The following FRMD4A variants were observed in gnomAD, a reference collection of about 807,000 sequenced individuals.
The protein encoded by FRMD4A is FERM domain containing 4A.
Under a neutral mutation model 129.1 loss-of-function variants are expected in FRMD4A, and 29 were observed. The observed-to-expected ratio is 0.22, with a 90% CI of 0.17 to 0.31. FRMD4A has a LOEUF of 0.31. Ranked by LOEUF, FRMD4A falls within the 10% of genes least tolerant of loss-of-function variation. FRMD4A has a pLI of 1.00. For missense variants in FRMD4A, 1,272 were observed against 1,375.8 expected (o/e 0.92, Z 1.19); for synonymous variants, 634 against 571.6 (o/e 1.11, Z -1.56).
At chr10:13,664,909 T>G (rs1359387198) in intron 18 of FRMD4A, among the ~76,000 whole-genome samples, 1 of 151,714 alleles carries the variant, frequency 6.6e-6, no homozygotes, top group Non-Finnish European at 1.5e-5. Context: ...TGAGATAGAG[T>G]TTCGCTCTTG....
chr10:14,038,081 G>C (rs191549199), intron 2 of FRMD4A, among the ~76,000 whole-genome samples: 3 of 152,212 alleles, frequency 2.0e-5, no homozygotes, highest in Non-Finnish European at 4.4e-5. Context: ...CCAGCATTTT[G>C]GGAGGCCGAG....
chr10:14,125,963 C>G (rs976056790), intron 2 of FRMD4A, among the ~76,000 whole-genome samples: 7 of 152,058 alleles, frequency 4.6e-5, no homozygotes, highest in African/African-American at 1.7e-4. Flanking sequence ...TCTAACTCCA[C>G]TTTATTTACT....
At chr10:13,711,707 A>G (rs1433361938) in intron 12 of FRMD4A, among the ~76,000 whole-genome samples, 4 of 152,252 alleles carry the variant, frequency 2.6e-5, no homozygotes, top group African/African-American at 9.6e-5. Flanking sequence ...ACGTCACTTA[A>G]GCATCTTTAA....
At chr10:14,037,191 T>C (rs1833540312) in intron 2 of FRMD4A, among the ~76,000 whole-genome samples, 1 of 152,150 alleles carries the variant, frequency 6.6e-6, no homozygotes, top group Admixed American at 6.5e-5. Flanking sequence ...AAATAGAACA[T>C]ACTTTACAAC....
At chr10:14,182,525 C>A (rs1310705319) in intron 2 of FRMD4A, among the ~76,000 whole-genome samples, 2 of 152,138 alleles carry the variant, frequency 1.3e-5, no homozygotes, top group African/African-American at 4.8e-5. Flanking sequence ...CCAGCCTGGA[C>A]AACAGAGCAA....
At chr10:13,750,109 G>GAAGAAAGAAAGAAAGAAAGA (rs137911059) in intron 8 of FRMD4A, among the ~76,000 whole-genome samples, 6,442 of 73,416 alleles carry the variant, frequency 0.088, 576 homozygotes, top group Admixed American at 0.17. Flanking sequence ...AGAAAGAAAT[G>GAAGAAAGAAAGAAAGAAAGA]AAGAAAGAAA....
chr10:13,898,243 C>T (rs1382364201), intron 2 of FRMD4A, among the ~76,000 whole-genome samples: 6 of 151,796 alleles, frequency 4.0e-5, no homozygotes, highest in South Asian at 4.2e-4. Flanking sequence ...TGTGGTGGGG[C>T]GTGCCTGTAG....
At chr10:14,306,058 G>A (rs1846340418) in intron 2 of FRMD4A, among the ~76,000 whole-genome samples, 1 of 152,116 alleles carries the variant, frequency 6.6e-6, no homozygotes, top group Non-Finnish European at 1.5e-5. Flanking sequence ...GGGATGATGT[G>A]TGCAGCAAAG....
chr10:14,033,179 T>C (rs1833330904), intron 2 of FRMD4A, among the ~76,000 whole-genome samples: 1 of 151,938 alleles, frequency 6.6e-6, no homozygotes, highest in Non-Finnish European at 1.5e-5. Flanking sequence ...TGGTGGCACA[T>C]GCTTGTAATC....
At chr10:14,266,547 G>A (rs1278305784) in intron 2 of FRMD4A, among the ~76,000 whole-genome samples, 1 of 144,660 alleles carries the variant, frequency 6.9e-6, no homozygotes, top group Non-Finnish European at 1.5e-5. Context: ...ATGTAGGGTT[G>A]TTTCACACAA....
intron 2 of FRMD4A, among the ~76,000 whole-genome samples, chr10:13,884,191 CA>C (rs1484209021): frequency 3.1e-5 from 3 of 96,166 alleles, no homozygotes; most frequent in African/African-American, 1.2e-4. Flanking sequence ...CACACACACA[CA>C]CACTCACACA....
At chr10:13,936,580 A>T (rs981067469) in intron 2 of FRMD4A, among the ~76,000 whole-genome samples, 3 of 152,198 alleles carry the variant, frequency 2.0e-5, no homozygotes, top group Admixed American at 2.0e-4. Flanking sequence ...CCATGTGAGG[A>T]CACAAAGAGA....
intron 2 of FRMD4A, among the ~76,000 whole-genome samples, chr10:13,904,891 G>T (rs1292707352): frequency 6.7e-6 from 1 of 148,512 alleles, no homozygotes; most frequent in Non-Finnish European, 1.5e-5. Flanking sequence ...TACGCAGGAG[G>T]CTGAGGCAGG....
rs866900064 is a variant in FRMD4A, at chr10:13,802,862, T to G, written c.207-6274A>C. Among the ~76,000 whole-genome samples the G allele has an allele frequency of 2.6e-5, 4 of 152,148 alleles. No homozygotes were observed. In the South Asian group the frequency reaches 8.3e-4, roughly 32 times the overall value. On this transcript the variant is annotated intron_variant, in intron 4 of 24. Transcript: ENST00000357447. The stretch of plus-strand genomic sequence containing the variant: ...AGAATGTTGATATATTTAGTATCCT[T>G]GTCTTATAGTATGTGTGTTCATCAA...
chr10:14,072,843 A>AC (rs1468758360), intron 2 of FRMD4A, among the ~76,000 whole-genome samples: 3 of 152,158 alleles, frequency 2.0e-5, no homozygotes, highest in African/African-American at 7.2e-5. Context: ...AAGCAATAAA[A>AC]CGTGCTTCCG....
At position 13,958,535 on chromosome 10, in the gene FRMD4A, G is replaced by A. The variant is rs549781748; in HGVS notation, c.46-99623C>T. Among the ~76,000 whole-genome samples the A allele has an allele frequency of 1.9e-4, 29 of 151,648 alleles. No individual in the cohort carries two copies. The East Asian group carries it at 4.7e-3, about 24-fold the overall frequency. On this transcript the variant is annotated intron_variant, in intron 2 of 24. Transcript: ENST00000357447. ...CTTGACCTTGTGATCCGCCCGCCTC[G>A]GCCTCCCAAACTGCTGGGATTACAG...
In FRMD4A at chr10:14,260,625, T is replaced by A. The variant is rs113349252; in HGVS notation, c.45+69433A>T. Among the ~76,000 whole-genome samples the A allele has an allele frequency of 4.2e-3, 638 of 152,262 alleles. 3 individuals carry two copies. Among genetic ancestry groups the A allele is most frequent in the African/African-American group, 0.014 (581 of 41,550 alleles). The stretch of plus-strand genomic sequence containing the variant: ...TGAGCAATCACAATTCAAAGCACAT[T>A]CTGATCTTCACCACTTCAAATTGGG... On this transcript the variant is annotated intron_variant, in intron 2 of 24. Transcript: ENST00000357447.
intron 2 of FRMD4A, among the ~76,000 whole-genome samples, chr10:14,237,610 C>T (rs1023142814): frequency 6.6e-5 from 10 of 152,196 alleles, no homozygotes; most frequent in African/African-American, 1.7e-4. Context: ...GGATTACAGA[C>T]GTGAGCCACT....
chr10:14,057,379 G>T (rs1834585590), intron 2 of FRMD4A, among the ~76,000 whole-genome samples: 1 of 152,168 alleles, frequency 6.6e-6, no homozygotes, highest in Admixed American at 6.5e-5. Context: ...CCCTAGAGCT[G>T]GGGTTATAGG....
Sources: gnomAD v4.1 joint callset for allele counts (sites outside exome capture counted in the v4.1 genomes callset) on GRCh38, gnomAD v4.1.1 for gene constraint, MANE v1.5 for transcripts, NCBI Gene and HGNC (gene_info 2026-07-23, HGNC 2026-07-21) for gene names.